Variants in KCTD16 observed in about 807,000 individuals in gnomAD.
KCTD16 encodes the protein BTB/POZ domain-containing protein KCTD16.
A neutral mutation model predicts 33.2 loss-of-function variants in KCTD16; 13 were observed. That is an observed-to-expected ratio of 0.39 (90% CI 0.25 to 0.62). KCTD16 has a LOEUF of 0.62. Among genes scored for constraint, KCTD16 ranks in the 20% least tolerant of loss-of-function variants. KCTD16 has a pLI of 0.50. For missense variants in KCTD16, 441 were observed against 525.1 expected, an observed-to-expected ratio of 0.84 and a Z score of 1.57; for synonymous variants, 197 against 195.3, an observed-to-expected ratio of 1.01 and a Z score of -0.07.
chr5:144,225,186 C>T (rs148310528), intron 3 of KCTD16, among the ~76,000 whole-genome samples: 131 of 152,242 alleles, frequency 8.6e-4, no homozygotes, highest in African/African-American at 3.1e-3. Context: ...CATAAAGCCT[C>T]TAGTGGGGTG....
intron 2 of KCTD16, among the ~76,000 whole-genome samples, chr5:144,203,886 A>G (rs1194281685): frequency 6.6e-6 from 1 of 152,252 alleles, no homozygotes; most frequent in African/African-American, 2.4e-5. Context: ...TTTTGGCCCT[A>G]TTAAGTTGCC....
intron 3 of KCTD16, among the ~76,000 whole-genome samples, chr5:144,450,791 G>A (rs867179477): frequency 2.6e-5 from 4 of 152,198 alleles, no homozygotes; most frequent in Non-Finnish European, 4.4e-5. Flanking sequence ...ACTAGGTATC[G>A]AGGGGAGGAG....
intron 3 of KCTD16, among the ~76,000 whole-genome samples, chr5:144,335,175 C>T (rs1234358527): frequency 6.6e-6 from 1 of 152,020 alleles, no homozygotes; most frequent in East Asian, 1.9e-4. Context: ...AAGCATTCAC[C>T]CAGAATTAAC....
intron 2 of KCTD16, among the ~76,000 whole-genome samples, chr5:144,188,919 A>T (rs1752784005): frequency 6.6e-6 from 1 of 152,224 alleles, no homozygotes; most frequent in South Asian, 2.1e-4. Flanking sequence ...GAGATAAAAG[A>T]TCAACTATAC....
intron 3 of KCTD16, among the ~76,000 whole-genome samples, chr5:144,311,257 C>A (rs1001667629): frequency 1.3e-5 from 2 of 152,094 alleles, no homozygotes; most frequent in African/African-American, 4.8e-5. Context: ...ACATTGTGCA[C>A]AAGTACTGTA....
chr5:144,372,177 G>T (rs1751982418), intron 3 of KCTD16, among the ~76,000 whole-genome samples: 1 of 151,190 alleles, frequency 6.6e-6, no homozygotes, highest in African/African-American at 2.4e-5. Context: ...AAGTGAATTT[G>T]GAAAATTTGT....
chr5:144,201,718 G>A (rs1395198721), intron 2 of KCTD16, among the ~76,000 whole-genome samples: 1 of 152,204 alleles, frequency 6.6e-6, no homozygotes, highest in Non-Finnish European at 1.5e-5. Flanking sequence ...GAGGGATAAC[G>A]ACTGACTGTG....
In KCTD16 at chr5:144,483,866, C is replaced by A. The variant is rs1754752097; in HGVS notation, c.*9752C>A. The A allele has an allele frequency of 6.6e-6, 1 of 151,766 alleles. No homozygotes were observed. The highest frequency in any genetic ancestry group is 2.4e-5 in the African/African-American group (1 of 41,370). 9.4% of individuals were successfully genotyped at this position (151,766 alleles called of 1,614,324 possible). ...ACTAATTAAGCACGGTCACTGAATC[C>A]TTTTTTCACCAGCCTTCTAAAGATG... On this transcript the variant is annotated 3_prime_UTR_variant, in exon 4 of 4. Coordinates refer to ENST00000512467, the MANE Select transcript of KCTD16 (RefSeq NM_020768.4).
chr5:144,315,734 G>A (rs973369746), intron 3 of KCTD16, among the ~76,000 whole-genome samples: 2 of 152,016 alleles, frequency 1.3e-5, no homozygotes, highest in African/African-American at 4.8e-5. Context: ...AGAAAAACTG[G>A]AACTTAATTA....
intron 3 of KCTD16, among the ~76,000 whole-genome samples, chr5:144,268,667 C>G (rs1755212650): frequency 6.6e-6 from 1 of 151,794 alleles, no homozygotes; most frequent in Non-Finnish European, 1.5e-5. Flanking sequence ...GTCCACTTTT[C>G]CAAAAAAAGA....
chr5:144,183,260 G>A (rs1580771883), intron 2 of KCTD16, among the ~76,000 whole-genome samples: 1 of 152,034 alleles, frequency 6.6e-6, no homozygotes, highest in East Asian at 1.9e-4. Flanking sequence ...TCTGCTTCTT[G>A]CACACTGTTC....
intron 2 of KCTD16, among the ~76,000 whole-genome samples, chr5:144,184,795 G>T (rs1333429146): frequency 6.6e-6 from 1 of 152,076 alleles, no homozygotes; most frequent in Non-Finnish European, 1.5e-5. Flanking sequence ...TCATACACTT[G>T]TTGGACATTT....
intron 3 of KCTD16, among the ~76,000 whole-genome samples, chr5:144,229,432 A>C (rs1032134872): frequency 6.6e-6 from 1 of 152,212 alleles, no homozygotes; most frequent in Non-Finnish European, 1.5e-5. Flanking sequence ...TGAATGAATA[A>C]TGACACACTC....
intron 3 of KCTD16, among the ~76,000 whole-genome samples, chr5:144,348,910 T>C (rs1460199011): frequency 6.6e-6 from 1 of 152,160 alleles, no homozygotes; most frequent in Non-Finnish European, 1.5e-5. Flanking sequence ...AAATGCAGTT[T>C]CCAGAATTTG....
chr5:144,223,632 G>A (rs1001956672), intron 3 of KCTD16, among the ~76,000 whole-genome samples: 3 of 151,550 alleles, frequency 2.0e-5, no homozygotes, highest in South Asian at 2.1e-4. Flanking sequence ...GGATGAAAGT[G>A]TGAAGTACAT....
intron 3 of KCTD16, among the ~76,000 whole-genome samples, chr5:144,251,228 C>G (rs1451861523): frequency 6.6e-6 from 1 of 152,072 alleles, no homozygotes; most frequent in African/African-American, 2.4e-5. Flanking sequence ...CTGCATGTAA[C>G]AGATACAGAA....
chr5:144,284,999 A>C (rs1051455859), intron 3 of KCTD16, among the ~76,000 whole-genome samples: 59 of 152,316 alleles, frequency 3.9e-4, no homozygotes, highest in African/African-American at 1.4e-3. Context: ...GCCAATAGAC[A>C]CATGGAGGTA....
chr5:144,463,179 A>G (rs925910169), intron 3 of KCTD16, among the ~76,000 whole-genome samples: 1 of 152,146 alleles, frequency 6.6e-6, no homozygotes, highest in African/African-American at 2.4e-5. Flanking sequence ...TATGCAAATG[A>G]GATTAATTCT....
At chr5:144,182,185 T>C (rs891827857) in intron 2 of KCTD16, among the ~76,000 whole-genome samples, 1 of 152,128 alleles carries the variant, frequency 6.6e-6, no homozygotes, top group African/African-American at 2.4e-5. Flanking sequence ...AGGAGTGGGC[T>C]CCTAATAAGG....
Sources: gnomAD v4.1 joint callset for allele counts (sites outside exome capture counted in the v4.1 genomes callset) on GRCh38, gnomAD v4.1.1 for gene constraint, MANE v1.5 for transcripts, NCBI Gene and HGNC (gene_info 2026-07-23, HGNC 2026-07-21) for gene names.